PBRM1: variants seen among roughly 807,000 people sequenced by gnomAD.
PBRM1 encodes the protein protein polybromo-1.
PBRM1 carries 27 observed loss-of-function variants against 194.5 expected under a neutral mutation model. The ratio of observed to expected loss-of-function variants is 0.14; its 90% confidence interval spans 0.10 to 0.19. The LOEUF (loss-of-function observed/expected upper bound fraction) is 0.19, where lower values mean the gene tolerates loss of function less well. Ranked by LOEUF, PBRM1 falls within the 10% of genes least tolerant of loss-of-function variation. PBRM1 has a pLI of 1.00. For synonymous variants in PBRM1, 655 were observed against 693.2 expected (o/e 0.94, Z 0.87); for missense variants, 1,466 against 2,077.2 (o/e 0.71, Z 5.72).
chr3:52,582,510 A>G (rs2091501133), intron 20 of PBRM1, among the ~76,000 whole-genome samples: 1 of 150,536 alleles, frequency 6.6e-6, no homozygotes, highest in Admixed American at 6.6e-5. Flanking sequence ...ACTGGGTTCA[A>G]GTGATTCTCC....
At chr3:52,563,726 G>A (rs1278541214) in intron 23 of PBRM1, among the ~76,000 whole-genome samples, 1 of 150,582 alleles carries the variant, frequency 6.6e-6, no homozygotes, top group Non-Finnish European at 1.5e-5. Context: ...CCAAAGTTGG[G>A]ATCTAGTTGC....
At position 52,581,459 on chromosome 3, in the gene PBRM1, G is replaced by A. The variant is rs192871671; in HGVS notation, c.3388-2260C>T. Among the ~76,000 whole-genome samples, 14 of 149,566 alleles carry A rather than the reference G, an allele frequency of 9.4e-5. No individual in the cohort carries two copies. The East Asian group carries it at 2.0e-3, about 21-fold the overall frequency. ...CATGAGGCGGAGGTTGCAGTGAGCC[G>A]AGATTGTGCCGCTATACTCCAACCT... On this transcript the variant is annotated intron_variant, in intron 20 of 29. Coordinates refer to ENST00000296302, the Ensembl canonical transcript of PBRM1.
At chr3:52,641,959 A>G in exon 10 of PBRM1, 1 of 1,591,954 alleles carries the variant, frequency 6.3e-7, no homozygotes, top group Non-Finnish European at 8.6e-7. Context: ...CCTACCAGCT[A>G]AAGCAGCATC....
At chr3:52,669,021 A>G (rs893264135) in intron 2 of PBRM1, among the ~76,000 whole-genome samples, 5 of 152,314 alleles carry the variant, frequency 3.3e-5, no homozygotes, top group African/African-American at 1.2e-4. Flanking sequence ...GAAAACAGAG[A>G]TATGTCTCAA....
At chr3:52,581,521 C>CA (rs2091192499) in intron 20 of PBRM1, among the ~76,000 whole-genome samples, 2 of 149,458 alleles carry the variant, frequency 1.3e-5, no homozygotes, top group African/African-American at 4.9e-5. Flanking sequence ...AAAAAAGAAT[C>CA]AGAGAGGTTC....
chr3:52,668,035 C>T (rs1047339076), intron 3 of PBRM1, among the ~76,000 whole-genome samples: 2 of 152,192 alleles, frequency 1.3e-5, no homozygotes, highest in Non-Finnish European at 2.9e-5. Flanking sequence ...GTGGCTCACG[C>T]CCATAATCCC....
At chr3:52,567,806 G>GTTTTTTTTTTTTT (rs1163710948) in intron 22 of PBRM1, among the ~76,000 whole-genome samples, 1 of 98,152 alleles carries the variant, frequency 1.0e-5, no homozygotes. Flanking sequence ...TAATTTTTGT[G>GTTTTTTTTTTTTT]TTTTTTTTTT....
chr3:52,677,515 T>C (rs9714129), intron 2 of PBRM1, among the ~76,000 whole-genome samples: 51,073 of 147,722 alleles, frequency 0.35, 9,482 homozygotes, highest in Admixed American at 0.47. Flanking sequence ...CGGGTTCAAG[T>C]GATTCTCCTG....
intron 13 of PBRM1, among the ~76,000 whole-genome samples, chr3:52,622,005 C>A (rs2095296482): frequency 6.6e-6 from 1 of 152,088 alleles, no homozygotes; most frequent in South Asian, 2.1e-4. Context: ...ATGATGGTGC[C>A]ACTGCACTCC....
At chr3:52,621,500 T>C (rs2095273456) in intron 13 of PBRM1, among the ~76,000 whole-genome samples, 1 of 152,184 alleles carries the variant, frequency 6.6e-6, no homozygotes, top group South Asian at 2.1e-4. Context: ...GCTTTTCAGA[T>C]TTTTCTTAGA....
chr3:52,671,361 A>C (rs1472087734), intron 2 of PBRM1, among the ~76,000 whole-genome samples: 1 of 152,242 alleles, frequency 6.6e-6, no homozygotes, highest in Non-Finnish European at 1.5e-5. Flanking sequence ...GTGGTCCAGC[A>C]CCCAAGGTGT....
In PBRM1 at chr3:52,634,596, T is replaced by A. The variant is rs1560573868; in HGVS notation, c.1301+6A>T. 1 of 1,544,094 alleles carries A rather than the reference T, an allele frequency of 6.5e-7. No homozygotes were observed. Among genetic ancestry groups the A allele is most frequent in the African/African-American group, 1.4e-5 (1 of 72,884 alleles). ...ATTATACTGAATAATGTAGAAGACATCTTACCGGATCTGTTGTAGTGATAT... is the reference window on the plus strand; with the variant it reads ...ATTATACTGAATAATGTAGAAGACAACTTACCGGATCTGTTGTAGTGATAT... On this transcript the variant is annotated splice_donor_region_variant and intron_variant, in intron 11 of 29. Transcript: ENST00000296302.
intron 16 of PBRM1, among the ~76,000 whole-genome samples, chr3:52,605,815 C>A (rs893119008): frequency 6.6e-6 from 1 of 152,014 alleles, no homozygotes; most frequent in African/African-American, 2.4e-5. Context: ...GTTGGCCAGG[C>A]TGGTCTCGAA....
At position 52,584,450 on chromosome 3, in the gene PBRM1, C is replaced by CTTTTTTTTTTT; in HGVS notation, c.3387+1964_3387+1974dup. Among the ~76,000 whole-genome samples, 171 of 60,756 alleles carry CTTTTTTTTTTT rather than the reference C, an allele frequency of 2.8e-3. 35 individuals carry two copies. Among genetic ancestry groups the CTTTTTTTTTTT allele is most frequent in the African/African-American group, 0.012 (154 of 12,932 alleles). 39.9% of individuals were successfully genotyped at this position (60,756 alleles called of 152,430 possible). ...AATTATCTGCAGAAAAGTATTCTTG[C>CTTTTTTTTTTT]TTTTTTTTTTTTTTTTTTTTTTTTT... On this transcript the variant is annotated intron_variant, in intron 20 of 29. Transcript: ENST00000296302.
chr3:52,548,192 G>C (rs750538197), exon 30 of PBRM1: 1 of 1,607,144 alleles, frequency 6.2e-7, no homozygotes, highest in South Asian at 1.1e-5. Context: ...GAGAGGGTAG[G>C]CGGCTCTCCT....
chr3:52,632,611 T>C (rs186473219), intron 11 of PBRM1, among the ~76,000 whole-genome samples: 358 of 151,160 alleles, frequency 2.4e-3, no homozygotes, highest in African/African-American at 8.3e-3. Flanking sequence ...GGATAGAAAA[T>C]GGGCACTGAA....
chr3:52,558,276 G>A (rs1009486215), exon 26 of PBRM1: 3 of 1,543,474 alleles, frequency 1.9e-6, no homozygotes, highest in African/African-American at 1.4e-5. Flanking sequence ...TGCTGATTGA[G>A]CATCCCCATT....
intron 16 of PBRM1, among the ~76,000 whole-genome samples, chr3:52,605,511 G>A (rs1045682717): frequency 3.3e-5 from 5 of 152,034 alleles, no homozygotes; most frequent in Admixed American, 3.3e-4. Flanking sequence ...CTTCAGAGAG[G>A]TCCCCAGAAT....
At chr3:52,671,159 G>T (rs1056531691) in intron 2 of PBRM1, among the ~76,000 whole-genome samples, 1 of 152,172 alleles carries the variant, frequency 6.6e-6, no homozygotes, top group Non-Finnish European at 1.5e-5. Context: ...TTTTGTTTCA[G>T]CCATTGTTGA....
Sources: gnomAD v4.1 joint callset for allele counts (sites outside exome capture counted in the v4.1 genomes callset) on GRCh38, gnomAD v4.1.1 for gene constraint, MANE v1.5 for transcripts, NCBI Gene and HGNC (gene_info 2026-07-23, HGNC 2026-07-21) for gene names.